The following HHAT variants were observed in gnomAD, a reference collection of about 807,000 sequenced individuals.
HHAT encodes the protein protein-cysteine N-palmitoyltransferase HHAT.
A neutral mutation model predicts 70.8 loss-of-function variants in HHAT; 47 were observed. That is an observed-to-expected ratio of 0.66 (90% CI 0.53 to 0.85). The LOEUF (loss-of-function observed/expected upper bound fraction) is 0.85. Among genes scored for constraint, HHAT ranks in the 40% least tolerant of loss-of-function variants. The pLI is 0.00. For missense variants in HHAT, 609 were observed against 604.8 expected (o/e 1.01, Z -0.07); for synonymous variants, 228 against 247.6 (o/e 0.92, Z 0.74).
intron 7 of HHAT, among the ~76,000 whole-genome samples, chr1:210,435,979 A>G (rs1211935249): frequency 2.0e-5 from 3 of 151,674 alleles, no homozygotes; most frequent in African/African-American, 7.3e-5. Flanking sequence ...CAATCCATTT[A>G]TCTATTTTTC....
intron 9 of HHAT, among the ~76,000 whole-genome samples, chr1:210,573,390 G>T (rs1161590672): frequency 2.6e-5 from 4 of 152,156 alleles, no homozygotes; most frequent in Non-Finnish European, 4.4e-5. Context: ...TTGAAGTGAT[G>T]TGCCTGGCTA....
chr1:210,487,771 A>G (rs2148504185), intron 8 of HHAT, among the ~76,000 whole-genome samples: 1 of 152,344 alleles, frequency 6.6e-6, no homozygotes, highest in South Asian at 2.1e-4. Context: ...AAGGAAATTT[A>G]CATTTATGAA....
Position 210,525,170 on chromosome 1 carries a change from G to A in HHAT, c.1043+11982G>A, listed in dbSNP as rs537435031. ...GAGGTCTCTGAAGGCCTAGTTCTTA[G>A]CCCTCAGCACCCTTGCGTTGATGCC... On this transcript the variant is annotated intron_variant, in intron 9 of 11. Transcript: ENST00000261458. Among the ~76,000 whole-genome samples the A allele has an allele frequency of 3.1e-4, 47 of 152,058 alleles. 1 individual carries two copies. The East Asian group carries it at 6.4e-3, about 21-fold the overall frequency.
chr1:210,659,685 C>T (rs1433493279), intron 11 of HHAT, among the ~76,000 whole-genome samples: 1 of 152,164 alleles, frequency 6.6e-6, no homozygotes, highest in Non-Finnish European at 1.5e-5. Context: ...TACTGGCAAA[C>T]CAAATCCAGC....
chr1:210,609,325 G>T (rs7528689), intron 10 of HHAT, among the ~76,000 whole-genome samples: 138,941 of 152,162 alleles, frequency 0.91, 63,546 homozygotes, highest in East Asian at 0.99. Flanking sequence ...TTGCCTAATT[G>T]TCTTAATTGA....
chr1:210,557,160 C>T (rs1458639067), intron 9 of HHAT, among the ~76,000 whole-genome samples: 1 of 152,192 alleles, frequency 6.6e-6, no homozygotes, highest in Non-Finnish European at 1.5e-5. Flanking sequence ...CTGGGACCAA[C>T]TTTGAGCAAT....
chr1:210,406,837 A>G (rs2092350031), intron 6 of HHAT, among the ~76,000 whole-genome samples: 1 of 152,182 alleles, frequency 6.6e-6, no homozygotes, highest in Non-Finnish European at 1.5e-5. Flanking sequence ...GGGGAAGTGA[A>G]GGGGCAGGTT....
At chr1:210,564,059 T>G (rs938080880) in intron 9 of HHAT, among the ~76,000 whole-genome samples, 1 of 152,044 alleles carries the variant, frequency 6.6e-6, no homozygotes, top group African/African-American at 2.4e-5. Flanking sequence ...GTTCAAGTGA[T>G]TCTCCTGCCT....
intron 7 of HHAT, among the ~76,000 whole-genome samples, chr1:210,446,866 T>C (rs940604972): frequency 1.3e-5 from 2 of 152,198 alleles, no homozygotes; most frequent in Non-Finnish European, 2.9e-5. Context: ...CTCATTGCCA[T>C]GTGAAATTTT....
chr1:210,558,168 A>G (rs938672534), intron 9 of HHAT, among the ~76,000 whole-genome samples: 1 of 152,202 alleles, frequency 6.6e-6, no homozygotes, highest in African/African-American at 2.4e-5. Flanking sequence ...CATAACACCT[A>G]ACACAGAGCC....
At chr1:210,442,992 A>G (rs958468825) in intron 7 of HHAT, among the ~76,000 whole-genome samples, 1 of 152,268 alleles carries the variant, frequency 6.6e-6, no homozygotes. Context: ...TAGGTCTAAC[A>G]TTTAAGTCTT....
In HHAT at chr1:210,601,956, A is replaced by AGAGAGAGAGAGT. The variant is rs374229402; in HGVS notation, c.1245+13858_1245+13859insAGAGAGAGAGTG. On this transcript the variant is annotated intron_variant, in intron 10 of 11. Coordinates refer to ENST00000261458, the MANE Select transcript of HHAT (RefSeq NM_018194.6). Reference sequence around the variant, plus strand: ...GAGACTCAGAGAGAGAGAGAGAGAGAGTATGTGTGTGAGAGTGTGTGTGTG... The same window carrying AGAGAGAGAGAGT: ...GAGACTCAGAGAGAGAGAGAGAGAGAGAGAGAGAGAGTGTATGTGTGTGAGAGTGTGTGTGTG... Among the ~76,000 whole-genome samples, 770 of 91,162 alleles carry AGAGAGAGAGAGT rather than the reference A, an allele frequency of 8.4e-3. 7 individuals are homozygous for AGAGAGAGAGAGT. Among genetic ancestry groups the AGAGAGAGAGAGT allele is most frequent in the Middle Eastern group, 0.025 (4 of 160 alleles). 59.8% of individuals were successfully genotyped at this position (91,162 alleles called of 152,430 possible). A position where few individuals can be genotyped will look rare whatever the true frequency, so the allele number is the denominator to read the frequency against.
At chr1:210,658,782 C>G (rs1049993782) in intron 11 of HHAT, among the ~76,000 whole-genome samples, 15 of 152,240 alleles carry the variant, frequency 9.9e-5, no homozygotes, top group Non-Finnish European at 2.1e-4. Flanking sequence ...GATTAAGAAA[C>G]TCACTCAAAA....
At chr1:210,389,819 G>A (rs1338805226) in intron 4 of HHAT, among the ~76,000 whole-genome samples, 1 of 152,168 alleles carries the variant, frequency 6.6e-6, no homozygotes, top group African/African-American at 2.4e-5. Context: ...CCATTAATGA[G>A]GGCAGAGCTC....
chr1:210,502,902 G>C (rs1450192271), intron 8 of HHAT, among the ~76,000 whole-genome samples: 1 of 151,352 alleles, frequency 6.6e-6, no homozygotes, highest in East Asian at 1.9e-4. Flanking sequence ...TTTCTTTCTT[G>C]CTGTCTATAT....
chr1:210,542,608 G>A (rs1387496487), intron 9 of HHAT, among the ~76,000 whole-genome samples: 1 of 151,622 alleles, frequency 6.6e-6, no homozygotes, highest in Non-Finnish European at 1.5e-5. Context: ...GACTGGCCTG[G>A]GCAATATAGT....
intron 11 of HHAT, among the ~76,000 whole-genome samples, chr1:210,642,949 A>G (rs1429648220): frequency 6.6e-6 from 1 of 152,184 alleles, no homozygotes; most frequent in Non-Finnish European, 1.5e-5. Context: ...GCTCTATGTT[A>G]TCTTCTATTA....
At chr1:210,489,279 C>A (rs2094517064) in intron 8 of HHAT, among the ~76,000 whole-genome samples, 1 of 152,066 alleles carries the variant, frequency 6.6e-6, no homozygotes, top group Non-Finnish European at 1.5e-5. Context: ...GGGCGGGGAT[C>A]AGGGAGTGGG....
At chr1:210,570,945 A>C (rs17188367) in intron 9 of HHAT, among the ~76,000 whole-genome samples, 19,951 of 152,100 alleles carry the variant, frequency 0.13, 1,606 homozygotes, top group Non-Finnish European at 0.18. Context: ...TTTACCTTAA[A>C]CCCCGTGCTT....
Sources: gnomAD v4.1 joint callset for allele counts (sites outside exome capture counted in the v4.1 genomes callset) on GRCh38, gnomAD v4.1.1 for gene constraint, MANE v1.5 for transcripts, NCBI Gene and HGNC (gene_info 2026-07-23, HGNC 2026-07-21) for gene names.